Variants in ROBO2 observed in about 807,000 individuals in gnomAD.
The protein encoded by ROBO2 is roundabout guidance receptor 2.
A neutral mutation model predicts 160.8 loss-of-function variants in ROBO2; 53 were observed. The observed-to-expected ratio is 0.33, with a 90% CI of 0.26 to 0.41. ROBO2 has a LOEUF of 0.41. Ranked by LOEUF, ROBO2 falls within the 10% of genes least tolerant of loss-of-function variation. ROBO2 has a pLI of 1.00. For synonymous variants in ROBO2, 664 were observed against 611.7 expected (o/e 1.09, Z -1.26); for missense variants, 1,577 against 1,722.4 (o/e 0.92, Z 1.49).
intron 2 of ROBO2, among the ~76,000 whole-genome samples, chr3:76,702,032 G>A (rs1218332671): frequency 6.6e-6 from 1 of 151,934 alleles, no homozygotes; most frequent in African/African-American, 2.4e-5. Flanking sequence ...TATCATACAT[G>A]TTGCTCCCTA....
intron 2 of ROBO2, among the ~76,000 whole-genome samples, chr3:76,870,805 T>TA (rs34389469): frequency 0.25 from 38,414 of 150,838 alleles, 6,011 homozygotes; most frequent in Non-Finnish European, 0.36. Context: ...AACAAAACAT[T>TA]AAAAAAAAAC....
intron 2 of ROBO2, among the ~76,000 whole-genome samples, chr3:77,460,141 C>G (rs2121817): frequency 0.51 from 76,788 of 151,522 alleles, 20,890 homozygotes; most frequent in African/African-American, 0.71. Flanking sequence ...GGGCGGAAGT[C>G]AGGAAAATCG....
intron 2 of ROBO2, among the ~76,000 whole-genome samples, chr3:75,984,113 A>G (rs1011486027): frequency 6.6e-6 from 1 of 151,508 alleles, no homozygotes; most frequent in Non-Finnish European, 1.5e-5. Flanking sequence ...ACATTTTCAT[A>G]AAGGCCACTG....
intron 2 of ROBO2, among the ~76,000 whole-genome samples, chr3:76,001,133 A>T (rs1043723446): frequency 6.6e-6 from 1 of 152,020 alleles, no homozygotes; most frequent in African/African-American, 2.4e-5. Context: ...GTTATTCTTA[A>T]ATGTTGGACA....
intron 2 of ROBO2, among the ~76,000 whole-genome samples, chr3:76,116,445 A>T (rs2070476148): frequency 6.6e-6 from 1 of 152,184 alleles, no homozygotes; most frequent in Non-Finnish European, 1.5e-5. Flanking sequence ...ATTGAATATT[A>T]GCGAAGCACT....
chr3:77,436,789 A>G (rs2079336925), intron 2 of ROBO2, among the ~76,000 whole-genome samples: 1 of 151,936 alleles, frequency 6.6e-6, no homozygotes, highest in Non-Finnish European at 1.5e-5. Context: ...TATGTTTTTA[A>G]AACCAATTTG....
chr3:77,508,714 A>C (rs1180606639), intron 5 of ROBO2, among the ~76,000 whole-genome samples: 2 of 152,016 alleles, frequency 1.3e-5, no homozygotes, highest in African/African-American at 4.8e-5. Flanking sequence ...TTTGATGTTA[A>C]TATTTGATAT....
chr3:76,378,446 C>T (rs1387324881), intron 2 of ROBO2, among the ~76,000 whole-genome samples: 1 of 152,110 alleles, frequency 6.6e-6, no homozygotes, highest in African/African-American at 2.4e-5. Flanking sequence ...ATCATCCAGC[C>T]ATCAATCCTT....
At chr3:77,422,517 C>T (rs1383826082) in intron 2 of ROBO2, among the ~76,000 whole-genome samples, 1 of 152,174 alleles carries the variant, frequency 6.6e-6, no homozygotes, top group Non-Finnish European at 1.5e-5. Context: ...TGGAATCAAT[C>T]TGTTCCTAAA....
At chr3:76,377,736 C>G (rs1023485113) in intron 2 of ROBO2, among the ~76,000 whole-genome samples, 3 of 152,110 alleles carry the variant, frequency 2.0e-5, no homozygotes, top group African/African-American at 7.2e-5. Flanking sequence ...ACCTAGCAAA[C>G]TGCTTGTGGG....
At chr3:76,019,209 A>G (rs1162529576) in intron 2 of ROBO2, among the ~76,000 whole-genome samples, 1 of 151,722 alleles carries the variant, frequency 6.6e-6, no homozygotes, top group Non-Finnish European at 1.5e-5. Context: ...ATCTGAGAAT[A>G]CTGTGTATTC....
chr3:76,803,174 A>T (rs2064359574), intron 2 of ROBO2, among the ~76,000 whole-genome samples: 1 of 152,166 alleles, frequency 6.6e-6, no homozygotes, highest in Non-Finnish European at 1.5e-5. Context: ...CATAAGAGAG[A>T]CACCATGGTA....
chr3:76,213,811 G>A (rs868519413), intron 2 of ROBO2, among the ~76,000 whole-genome samples: 3 of 152,102 alleles, frequency 2.0e-5, no homozygotes, highest in African/African-American at 7.2e-5. Context: ...AATAAATTAA[G>A]CAAAGGAATA....
At chr3:77,340,064 A>G (rs1015122645) in intron 2 of ROBO2, among the ~76,000 whole-genome samples, 1 of 152,110 alleles carries the variant, frequency 6.6e-6, no homozygotes, top group South Asian at 2.1e-4. Flanking sequence ...ATATTCCGAT[A>G]AAGATTTCAT....
intron 2 of ROBO2, among the ~76,000 whole-genome samples, chr3:76,427,198 T>C (rs902845910): frequency 1.3e-5 from 2 of 152,074 alleles, no homozygotes; most frequent in Non-Finnish European, 2.9e-5. Flanking sequence ...CTATTTCCAC[T>C]ACTGTGTTCT....
chr3:77,198,994 G>A (rs2082571349), intron 2 of ROBO2, among the ~76,000 whole-genome samples: 2 of 152,078 alleles, frequency 1.3e-5, no homozygotes, highest in Non-Finnish European at 2.9e-5. Context: ...GGCATTCAAT[G>A]GTCCCTACCC....
intron 2 of ROBO2, among the ~76,000 whole-genome samples, chr3:76,070,126 G>A (rs138484034): frequency 0.026 from 3,930 of 152,168 alleles, 192 homozygotes; most frequent in African/African-American, 0.089. Context: ...TGAAATCTGG[G>A]TACCTTGAAA....
chr3:76,681,022 C>T (rs2092548584), intron 2 of ROBO2, among the ~76,000 whole-genome samples: 1 of 152,074 alleles, frequency 6.6e-6, no homozygotes, highest in South Asian at 2.1e-4. Context: ...TGTGATCCGC[C>T]CACCTCAGCC....
At chr3:76,185,431 AAGG>A (rs1354021886) in intron 2 of ROBO2, among the ~76,000 whole-genome samples, 1 of 151,798 alleles carries the variant, frequency 6.6e-6, no homozygotes, top group Admixed American at 6.6e-5. Flanking sequence ...GGATGAGAGA[AAGG>A]AGGCAAAAAA....
Sources: gnomAD v4.1 joint callset for allele counts (sites outside exome capture counted in the v4.1 genomes callset) on GRCh38, gnomAD v4.1.1 for gene constraint, MANE v1.5 for transcripts, NCBI Gene and HGNC (gene_info 2026-07-23, HGNC 2026-07-21) for gene names.